COL21A1: variants seen among roughly 807,000 people sequenced by gnomAD.
COL21A1 encodes collagen type XXI alpha 1 chain, also known as collagen alpha-1(XXI) chain.
In COL21A1, 149 loss-of-function variants were observed where a neutral mutation model predicts 137.9. The observed-to-expected ratio is 1.08, with a 90% CI of 0.95 to 1.24. The LOEUF is 1.24. Among genes scored for constraint, COL21A1 ranks in the 50% most tolerant of loss-of-function variants. The pLI, the probability that COL21A1 is intolerant of heterozygous loss-of-function variation, is 0.00. For synonymous variants in COL21A1, 456 were observed against 391.5 expected (o/e 1.16, Z -1.95); for missense variants, 1,167 against 1,158.4 (o/e 1.01, Z -0.11).
rs1582787098 is a variant in COL21A1 at position 56,330,481 on chromosome 6, C to T, written c.-39+63490G>A. Among the ~76,000 whole-genome samples, 3 of 151,960 alleles carry T rather than the reference C, an allele frequency of 2.0e-5. No individual in the cohort carries two copies. In the East Asian group the frequency reaches 5.8e-4, roughly 29 times the overall value. ...CCAGGTAGAGAAACATTCCTTTACT[C>T]CTCTGATATAAAGCCAAATACAAAT... On this transcript the variant is annotated intron_variant, in intron 1 of 28. Transcript: ENST00000370819.
intron 1 of COL21A1, among the ~76,000 whole-genome samples, chr6:56,309,207 A>T (rs1173650256): frequency 6.6e-6 from 1 of 151,962 alleles, no homozygotes; most frequent in Non-Finnish European, 1.5e-5. Context: ...ACACCCAGCA[A>T]TTTTTTGTAT....
At chr6:56,209,530 G>A (rs1476133424) in intron 1 of COL21A1, among the ~76,000 whole-genome samples, 1 of 152,162 alleles carries the variant, frequency 6.6e-6, no homozygotes, top group Non-Finnish European at 1.5e-5. Context: ...TATGAAAAAT[G>A]CTCATCATCA....
chr6:56,078,456 G>A (rs909355700), intron 17 of COL21A1, among the ~76,000 whole-genome samples: 1 of 151,526 alleles, frequency 6.6e-6, no homozygotes, highest in Non-Finnish European at 1.5e-5. Flanking sequence ...CAAGAAAATT[G>A]GGTCACATCT....
intron 17 of COL21A1, among the ~76,000 whole-genome samples, chr6:56,081,807 C>T (rs1252542745): frequency 1.3e-5 from 2 of 151,782 alleles, no homozygotes; most frequent in Non-Finnish European, 2.9e-5. Flanking sequence ...AGACAAGGGC[C>T]CACTTGGGAC....
intron 17 of COL21A1, among the ~76,000 whole-genome samples, chr6:56,100,116 C>T (rs58584994): frequency 0.088 from 13,393 of 152,252 alleles, 740 homozygotes; most frequent in East Asian, 0.2. Context: ...CTTTCTAACA[C>T]GCAACAGAGA....
intron 1 of COL21A1, among the ~76,000 whole-genome samples, chr6:56,360,301 A>G (rs1448074044): frequency 6.6e-6 from 1 of 152,224 alleles, no homozygotes; most frequent in East Asian, 1.9e-4. Context: ...GAAGGTTACA[A>G]TAGCAGAATT....
intron 17 of COL21A1, among the ~76,000 whole-genome samples, chr6:56,099,779 T>C (rs1238299755): frequency 5.9e-5 from 9 of 152,168 alleles, no homozygotes. Context: ...ATAATTTTTC[T>C]TAAATAACAG....
At chr6:56,383,326 T>TC (rs2094011839) in intron 1 of COL21A1, among the ~76,000 whole-genome samples, 1 of 152,106 alleles carries the variant, frequency 6.6e-6, no homozygotes, top group African/African-American at 2.4e-5. Flanking sequence ...CCTAATTACC[T>TC]CCCCAAAGCC....
chr6:56,182,418 C>A, intron 2 of COL21A1, 113 bp downstream of exon 2: 1 of 676,388 alleles, frequency 1.5e-6, no homozygotes, highest in Non-Finnish European at 2.5e-6. Context: ...TAGGGAGTTA[C>A]AGAATCAAAG....
At chr6:56,107,253 A>C (rs1269569856) in intron 16 of COL21A1, among the ~76,000 whole-genome samples, 1 of 152,180 alleles carries the variant, frequency 6.6e-6, no homozygotes, top group Non-Finnish European at 1.5e-5. Flanking sequence ...ATAAACGTCA[A>C]TGAGGAGAAA....
chr6:56,348,058 G>A (rs6900004), intron 1 of COL21A1, among the ~76,000 whole-genome samples: 4,678 of 152,212 alleles, frequency 0.031, 116 homozygotes, highest in Non-Finnish European at 0.048. Flanking sequence ...GGAGGAATAC[G>A]CAGTCACATG....
chr6:56,092,390 T>C (rs987051036), intron 17 of COL21A1, among the ~76,000 whole-genome samples: 1 of 152,166 alleles, frequency 6.6e-6, no homozygotes, highest in East Asian at 1.9e-4. Context: ...TGTTTAACTA[T>C]TATATATAGC....
At chr6:56,263,975 C>A (rs557040397) in intron 1 of COL21A1, among the ~76,000 whole-genome samples, 1 of 151,746 alleles carries the variant, frequency 6.6e-6, no homozygotes, top group South Asian at 2.1e-4. Context: ...CACAAACACA[C>A]ACACACACAC....
At chr6:56,185,426 CTTTTTTTTTT>C (rs777045553) in intron 1 of COL21A1, among the ~76,000 whole-genome samples, 1 of 100,172 alleles carries the variant, frequency 1.0e-5, no homozygotes, top group African/African-American at 4.0e-5. Context: ...AATGAACAGT[CTTTTTTTTTT>C]TTTTTTTTTT....
At chr6:56,331,533 A>G (rs909895640) in intron 1 of COL21A1, among the ~76,000 whole-genome samples, 4 of 140,576 alleles carry the variant, frequency 2.8e-5, no homozygotes, top group Non-Finnish European at 4.7e-5. Context: ...ATTGAAAAGG[A>G]TGTCCTTTCC....
chr6:56,125,283 T>C (rs142011331), intron 14 of COL21A1: 4,770 of 197,738 alleles, frequency 0.024, 114 homozygotes, highest in Middle Eastern at 0.069. Context: ...CCTCCCAAAG[T>C]GCTGGGATTA....
At chr6:56,234,720 C>T (rs1017879639) in intron 1 of COL21A1, among the ~76,000 whole-genome samples, 5 of 151,752 alleles carry the variant, frequency 3.3e-5, no homozygotes, top group Non-Finnish European at 5.9e-5. Flanking sequence ...CCCATACTCT[C>T]GCACTTCCCT....
rs535915646 is a variant in COL21A1, at chr6:56,358,128, A to C, written c.-39+35843T>G. Reference sequence around the variant, plus strand: ...AATATTTCAGTTGCACTTTTTTTCTAAGGGGTATATAAAATGATGATGTGT... The same window carrying C: ...AATATTTCAGTTGCACTTTTTTTCTCAGGGGTATATAAAATGATGATGTGT... On this transcript the variant is annotated intron_variant, in intron 1 of 28. Transcript: ENST00000370819. 2.0e-5 allele frequency among the ~76,000 whole-genome samples: 3 copies of C among 152,054 alleles called. No individual in the cohort carries two copies. In the South Asian group the frequency reaches 6.2e-4, roughly 32 times the overall value.
At chr6:56,264,010 C>G (rs1763341764) in intron 1 of COL21A1, among the ~76,000 whole-genome samples, 1 of 151,870 alleles carries the variant, frequency 6.6e-6, no homozygotes, top group Non-Finnish European at 1.5e-5. Flanking sequence ...ATGAAAATAT[C>G]TATAAACAAT....
Sources: allele counts gnomAD v4.1 joint callset (sites outside exome capture counted in the v4.1 genomes callset), GRCh38; gene constraint gnomAD v4.1.1; transcripts MANE v1.5; gene names NCBI Gene and HGNC (gene_info 2026-07-23, HGNC 2026-07-21).